KLF12: variants seen among roughly 807,000 people sequenced by gnomAD.
KLF12 encodes Krueppel-like factor 12.
A neutral mutation model predicts 37.8 loss-of-function variants in KLF12; 9 were observed. The ratio of observed to expected loss-of-function variants is 0.24; its 90% CI spans 0.14 to 0.42. The LOEUF is 0.42. Among genes scored for constraint, KLF12 ranks in the 10% least tolerant of loss-of-function variants. KLF12 has a pLI of 1.00. For missense variants in KLF12, 411 were observed against 516.0 expected (o/e 0.80, Z 1.97); for synonymous variants, 208 against 202.1 (o/e 1.03, Z -0.25).
chr13:74,289,078 T>A, the KLF12 span: 2 of 152,242 alleles, frequency 1.3e-5, no homozygotes, highest in East Asian at 1.9e-4. Flanking sequence ...AAAGGAATTT[T>A]TATATATTTT....
chr13:74,120,702 C>A (rs960978040), intron 1 of KLF12, among the ~76,000 whole-genome samples: 1 of 151,680 alleles, frequency 6.6e-6, no homozygotes, highest in African/African-American at 2.4e-5. Context: ...GATGGATAGG[C>A]TATAACATGT....
the KLF12 span, among the ~76,000 whole-genome samples, chr13:74,290,519 C>G: frequency 6.6e-6 from 1 of 152,204 alleles, no homozygotes; most frequent in African/African-American, 2.4e-5. Context: ...AAGGCTGCTG[C>G]TTCCACAAAT....
chr13:74,275,866 CTA>C, the KLF12 span, among the ~76,000 whole-genome samples: 13 of 91,092 alleles, frequency 1.4e-4, no homozygotes, highest in Non-Finnish European at 2.4e-4. Flanking sequence ...TTCTTTCTTT[CTA>C]TCTTTCTTTC....
chr13:74,261,475 C>A, the KLF12 span, among the ~76,000 whole-genome samples: 1 of 152,002 alleles, frequency 6.6e-6, no homozygotes, highest in Non-Finnish European at 1.5e-5. Context: ...CCATTCTATT[C>A]AAACCAAATT....
intron 5 of KLF12, among the ~76,000 whole-genome samples, chr13:73,787,636 G>T (rs998331448): frequency 6.6e-6 from 1 of 152,116 alleles, no homozygotes; most frequent in African/African-American, 2.4e-5. Context: ...TAAGTAACTT[G>T]AAAGATCACA....
chr13:73,881,091 A>T (rs1292451314), intron 3 of KLF12, among the ~76,000 whole-genome samples: 2 of 152,188 alleles, frequency 1.3e-5, no homozygotes, highest in African/African-American at 4.8e-5. Context: ...AGTCTTTGCC[A>T]AGTGAAAATT....
intron 4 of KLF12, among the ~76,000 whole-genome samples, chr13:73,830,086 T>C (rs1402820823): frequency 6.6e-6 from 1 of 152,200 alleles, no homozygotes; most frequent in Non-Finnish European, 1.5e-5. Context: ...GTTGCATTAG[T>C]TGCAAGGTGG....
chr13:74,032,847 T>C (rs1273594290), intron 1 of KLF12, among the ~76,000 whole-genome samples: 1 of 152,168 alleles, frequency 6.6e-6, no homozygotes, highest in African/African-American at 2.4e-5. Context: ...AAAAAGAAAA[T>C]CACCTCTATA....
At chr13:73,835,894 G>A (rs1594149452) in intron 4 of KLF12, among the ~76,000 whole-genome samples, 1 of 152,118 alleles carries the variant, frequency 6.6e-6, no homozygotes, top group Non-Finnish European at 1.5e-5. Context: ...GACCCCCAGT[G>A]TGATAATCAT....
intron 3 of KLF12, among the ~76,000 whole-genome samples, chr13:73,935,506 T>C (rs1438052515): frequency 6.6e-6 from 1 of 152,136 alleles, no homozygotes; most frequent in Non-Finnish European, 1.5e-5. Flanking sequence ...CCCTCATTAA[T>C]GGCTTGGTGT....
the KLF12 span, among the ~76,000 whole-genome samples, chr13:74,294,600 C>CTTG: frequency 5.5e-3 from 844 of 152,156 alleles, 5 homozygotes; most frequent in Non-Finnish European, 0.01. Flanking sequence ...ATCTGCTGAC[C>CTTG]TTGTGATCCA....
the KLF12 span, among the ~76,000 whole-genome samples, chr13:74,172,322 AC>A: frequency 0.042 from 6,469 of 152,250 alleles, 441 homozygotes; most frequent in African/African-American, 0.14. Context: ...GCACAAAAAA[AC>A]CCTTTATTGG....
intron 4 of KLF12, among the ~76,000 whole-genome samples, chr13:73,839,758 A>T (rs1884644702): frequency 6.6e-6 from 1 of 152,186 alleles, no homozygotes; most frequent in Non-Finnish European, 1.5e-5. Flanking sequence ...GCAGTAATTA[A>T]TCTGAATTCT....
the KLF12 span, among the ~76,000 whole-genome samples, chr13:74,155,154 T>C: frequency 1.3e-5 from 2 of 152,184 alleles, no homozygotes; most frequent in Admixed American, 6.5e-5. Context: ...CCAAGTCTTG[T>C]CTAAGGTTTG....
intron 6 of KLF12, among the ~76,000 whole-genome samples, chr13:73,728,835 C>T (rs1566324183): frequency 6.6e-6 from 1 of 152,120 alleles, no homozygotes; most frequent in Non-Finnish European, 1.5e-5. Flanking sequence ...TTTGAGTCTC[C>T]ACCCATAAGG....
At chr13:74,237,263 G>A in the KLF12 span, among the ~76,000 whole-genome samples, 42 of 134,082 alleles carry the variant, frequency 3.1e-4, 1 homozygote, top group South Asian at 4.1e-3. Flanking sequence ...GATATGCGGC[G>A]TTATTTCTGA....
chr13:74,264,504 A>G, the KLF12 span, among the ~76,000 whole-genome samples: 1 of 152,174 alleles, frequency 6.6e-6, no homozygotes, highest in Non-Finnish European at 1.5e-5. Context: ...TAAAATGGAG[A>G]TATATGGGAG....
At chr13:73,993,126 G>A (rs1892016320) in intron 2 of KLF12, among the ~76,000 whole-genome samples, 1 of 152,166 alleles carries the variant, frequency 6.6e-6, no homozygotes. Flanking sequence ...CCAGCTACTT[G>A]GGAAGCTGAG....
At chr13:73,929,921 G>A (rs988841284) in intron 3 of KLF12, among the ~76,000 whole-genome samples, 5 of 152,188 alleles carry the variant, frequency 3.3e-5, no homozygotes, top group African/African-American at 9.7e-5. Context: ...TCTATCTTGG[G>A]AGGACTGGAA....
Sources: gnomAD v4.1 joint callset for allele counts (sites outside exome capture counted in the v4.1 genomes callset) on GRCh38, gnomAD v4.1.1 for gene constraint, MANE v1.5 for transcripts, NCBI Gene and HGNC (gene_info 2026-07-23, HGNC 2026-07-21) for gene names.